The following DNAH17 variants were observed in gnomAD, a reference collection of about 807,000 sequenced individuals.
The protein encoded by DNAH17 is dynein axonemal heavy chain 17.
DNAH17 carries 376 observed loss-of-function variants against 485.6 expected under a neutral mutation model. That is an observed-to-expected ratio of 0.77 (90% CI 0.71 to 0.84). DNAH17 has a LOEUF of 0.84. DNAH17 is among the 40% of genes least tolerant of loss of function. The pLI is 0.00. For synonymous variants in DNAH17, 3,031 were observed against 2,405.9 expected (o/e 1.26, Z -7.60); for missense variants, 6,370 against 5,839.3 (o/e 1.09, Z -2.96).
intron 25 of DNAH17, among the ~76,000 whole-genome samples, chr17:78,517,653 C>T (rs1264923146): frequency 6.6e-6 from 1 of 152,206 alleles, no homozygotes; most frequent in African/African-American, 2.4e-5. Context: ...GAATATCACC[C>T]TCTCCACAAC....
At position 78,468,791 on chromosome 17, in the gene DNAH17, A is replaced by G; in HGVS notation, c.8604T>C (p.Phe2868=). The change falls in exon 55 of 81, where the codon TTT becomes TTC. Residue 2868 remains phenylalanine (F), a synonymous_variant. Coordinates refer to ENST00000389840, the MANE Select transcript of DNAH17 (RefSeq NM_173628.4). Reference sequence around the variant, plus strand: ...CCAGCAGGTCATTGATCAGCACCAGAAACTGCTCCTCGGCCACCTGGGAGT... The same window carrying G: ...CCAGCAGGTCATTGATCAGCACCAGGAACTGCTCCTCGGCCACCTGGGAGT... ...MTDSQVAEEQ[F]LVLINDLLAS... is the part of the protein sequence containing the mutation. The G allele has an allele frequency of 6.2e-7, 1 of 1,614,046 alleles. No homozygotes were observed.
intron 5 of DNAH17, 81 bp from the exon 6 acceptor site, chr17:78,571,114 G>C (rs2092351429): frequency 1.5e-6 from 2 of 1,370,762 alleles, no homozygotes; most frequent in Admixed American, 4.0e-5. Context: ...TCCATGTGCT[G>C]AGACCTGCTC....
intron 36 of DNAH17, 69 bp downstream of exon 36, chr17:78,500,236 G>T: frequency 6.7e-7 from 1 of 1,491,782 alleles, no homozygotes; most frequent in Non-Finnish European, 9.0e-7. Flanking sequence ...GGCCTCGGAG[G>T]ACAGGGTGCT....
intron 25 of DNAH17, among the ~76,000 whole-genome samples, chr17:78,524,472 A>ATT (rs1357319177): frequency 7.2e-5 from 11 of 152,114 alleles, no homozygotes; most frequent in African/African-American, 2.4e-4. Context: ...CCCTGGAGCG[A>ATT]TTTCTCAGCC....
At chr17:78,478,203 C>CTAT (rs2089163140) in intron 51 of DNAH17, among the ~76,000 whole-genome samples, 2 of 146,744 alleles carry the variant, frequency 1.4e-5, no homozygotes, top group African/African-American at 5.3e-5. Flanking sequence ...CATCATATCA[C>CTAT]CACCACCACC....
At chr17:78,561,167 C>A (rs2092145717) in intron 12 of DNAH17, among the ~76,000 whole-genome samples, 3 of 152,164 alleles carry the variant, frequency 2.0e-5, no homozygotes, top group South Asian at 2.1e-4. Context: ...ACCCACGCAG[C>A]AACTGGCTCC....
intron 12 of DNAH17, among the ~76,000 whole-genome samples, 174 bp downstream of exon 12, chr17:78,561,541 G>C (rs1386794170): frequency 6.6e-6 from 1 of 152,128 alleles, no homozygotes; most frequent in Non-Finnish European, 1.5e-5. Context: ...CTCCCACCAA[G>C]AAGGTGATCA....
chr17:78,447,651 C>T (rs2087365783), intron 69 of DNAH17, among the ~76,000 whole-genome samples: 1 of 152,178 alleles, frequency 6.6e-6, no homozygotes, highest in African/African-American at 2.4e-5. Flanking sequence ...TTAGGGGGAG[C>T]ACTGAGGAAC....
At chr17:78,464,165 T>TC (rs749225137) in intron 56 of DNAH17, among the ~76,000 whole-genome samples, 1 of 152,144 alleles carries the variant, frequency 6.6e-6, no homozygotes, top group Non-Finnish European at 1.5e-5. Context: ...GGGCTGCTCA[T>TC]CCCCCCTACT....
chr17:78,565,702 C>T (rs2092252783), intron 11 of DNAH17, among the ~76,000 whole-genome samples: 1 of 152,170 alleles, frequency 6.6e-6, no homozygotes, highest in Non-Finnish European at 1.5e-5. Flanking sequence ...GCCTGTAATC[C>T]CAGCACTTTG....
intron 77 of DNAH17, among the ~76,000 whole-genome samples, chr17:78,427,914 C>G (rs927724420): frequency 1.4e-5 from 2 of 147,636 alleles, no homozygotes; most frequent in Non-Finnish European, 3.0e-5. Context: ...TGCAGTGAGC[C>G]GAGATCGTGC....
intron 65 of DNAH17, among the ~76,000 whole-genome samples, chr17:78,452,466 G>T (rs574029556): frequency 2.2e-4 from 34 of 152,138 alleles, no homozygotes; most frequent in Admixed American, 6.5e-4. Flanking sequence ...GGCCGGGCGC[G>T]GTGGCTCCCG....
At chr17:78,433,326 T>C (rs1029698448) in intron 75 of DNAH17, among the ~76,000 whole-genome samples, 1 of 152,208 alleles carries the variant, frequency 6.6e-6, no homozygotes, top group African/African-American at 2.4e-5. Context: ...GGGTACGTGC[T>C]GCTTACAGAG....
Position 78,558,175 on chromosome 17 carries a change from AAC to A in DNAH17, c.2109_2110del (p.Phe704LeufsTer21). 6.2e-7 allele frequency: 1 copy of A among 1,613,854 alleles called. No homozygotes were observed. Among genetic ancestry groups the A allele is most frequent in the Non-Finnish European group, 8.5e-7 (1 of 1,179,834 alleles). On this transcript the variant is annotated frameshift_variant, in exon 14 of 81. Transcript: ENST00000389840. LOFTEE classifies it high-confidence loss of function. Reference sequence around the variant, plus strand: ...CTTCCGGAAAGTTTCGTTCTCTGAGAACAGACTCTCCGCACTGTCTGGAATCT... The same window carrying A: ...CTTCCGGAAAGTTTCGTTCTCTGAGAAGACTCTCCGCACTGTCTGGAATCT...
chr17:78,497,274 C>A (rs2090109457), intron 37 of DNAH17, among the ~76,000 whole-genome samples: 1 of 152,144 alleles, frequency 6.6e-6, no homozygotes, highest in Admixed American at 6.5e-5. Context: ...CAAGTCACCA[C>A]TTGAGGGGGC....
At chr17:78,530,886 A>T (rs982629015) in intron 20 of DNAH17, among the ~76,000 whole-genome samples, 2 of 152,168 alleles carry the variant, frequency 1.3e-5, no homozygotes, top group African/African-American at 4.8e-5. Flanking sequence ...CTGCTGCCCC[A>T]ACCCTGTGCT....
At chr17:78,483,559 G>A (rs770155586) in intron 48 of DNAH17, among the ~76,000 whole-genome samples, 2 of 152,154 alleles carry the variant, frequency 1.3e-5, no homozygotes, top group Non-Finnish European at 2.9e-5. Flanking sequence ...GAACCCAGGA[G>A]GCAGAGGTTG....
chr17:78,520,214 T>C (rs1458327030), intron 25 of DNAH17, among the ~76,000 whole-genome samples: 2 of 152,190 alleles, frequency 1.3e-5, no homozygotes, highest in African/African-American at 4.8e-5. Flanking sequence ...CACCTGTTCA[T>C]GATGAATAAA....
intron 49 of DNAH17, 130 bp downstream of exon 49, chr17:78,480,554 A>T (rs958816726): frequency 4.3e-5 from 29 of 682,170 alleles, no homozygotes; most frequent in Non-Finnish European, 6.7e-5. Context: ...CATTCTGCAA[A>T]GTTAAGGAGT....
Sources: allele counts gnomAD v4.1 joint callset (sites outside exome capture counted in the v4.1 genomes callset), GRCh38; gene constraint gnomAD v4.1.1; transcripts MANE v1.5; gene names NCBI Gene and HGNC (gene_info 2026-07-23, HGNC 2026-07-21).